Variants in JARID2 observed in about 807,000 individuals in gnomAD.
JARID2 encodes jumonji and AT-rich interaction domain containing 2, also known as protein Jumonji.
In JARID2, 21 loss-of-function variants were observed where a neutral mutation model predicts 125.6. The observed-to-expected ratio is 0.17, with a 90% CI of 0.12 to 0.24. JARID2 has a LOEUF of 0.24. Among genes scored for constraint, JARID2 ranks in the 10% least tolerant of loss-of-function variants. The pLI is 1.00. For missense variants in JARID2, 1,303 were observed against 1,639.6 expected (o/e 0.79, Z 3.55); for synonymous variants, 736 against 661.6 (o/e 1.11, Z -1.73).
At chr6:15,310,386 C>T (rs145671170) in intron 1 of JARID2, among the ~76,000 whole-genome samples, 1 of 152,182 alleles carries the variant, frequency 6.6e-6, no homozygotes, top group African/African-American at 2.4e-5. Context: ...TTGAACCTAC[C>T]CTTTGTAGAT....
intron 3 of JARID2, among the ~76,000 whole-genome samples, chr6:15,450,274 A>G (rs1426773213): frequency 6.6e-6 from 1 of 152,100 alleles, no homozygotes; most frequent in African/African-American, 2.4e-5. Flanking sequence ...GGTTCCAGCG[A>G]TTCTCCTGCC....
chr6:15,320,946 T>C (rs1370186611), intron 1 of JARID2, among the ~76,000 whole-genome samples: 9 of 151,970 alleles, frequency 5.9e-5, no homozygotes, highest in Non-Finnish European at 1.2e-4. Context: ...GCTGGTACAT[T>C]TTCTCATCTT....
intron 1 of JARID2, among the ~76,000 whole-genome samples, chr6:15,309,039 C>A (rs1032377425): frequency 1.3e-5 from 2 of 152,192 alleles, no homozygotes; most frequent in African/African-American, 2.4e-5. Context: ...GGATTACTTC[C>A]TGTCTCAGCC....
chr6:15,465,890 G>A (rs558157230), intron 4 of JARID2, among the ~76,000 whole-genome samples: 3 of 151,654 alleles, frequency 2.0e-5, no homozygotes, highest in South Asian at 4.2e-4. Context: ...TGCAACCTTC[G>A]CCTCCCGGGT....
intron 1 of JARID2, among the ~76,000 whole-genome samples, chr6:15,337,325 A>G (rs1762910607): frequency 6.6e-6 from 1 of 152,262 alleles, no homozygotes; most frequent in South Asian, 2.1e-4. Flanking sequence ...AAAGATGCAC[A>G]TCAGACCAGA....
intron 1 of JARID2, among the ~76,000 whole-genome samples, chr6:15,353,777 C>G (rs1161754958): frequency 6.6e-6 from 1 of 152,128 alleles, no homozygotes; most frequent in Non-Finnish European, 1.5e-5. Context: ...TTACTTTTCT[C>G]TTTCTAGGGA....
chr6:15,331,430 G>A (rs933058437), intron 1 of JARID2, among the ~76,000 whole-genome samples: 1 of 152,036 alleles, frequency 6.6e-6, no homozygotes, highest in Non-Finnish European at 1.5e-5. Flanking sequence ...GTATAATACT[G>A]GAAACTGTCT....
intron 1 of JARID2, among the ~76,000 whole-genome samples, chr6:15,372,856 G>A (rs929366152): frequency 6.6e-5 from 10 of 151,896 alleles, no homozygotes; most frequent in African/African-American, 1.5e-4. Context: ...TTACAGTCGC[G>A]TGCCACCACG....
chr6:15,515,779 G>C (rs1282914369), intron 16 of JARID2, among the ~76,000 whole-genome samples: 1 of 150,970 alleles, frequency 6.6e-6, no homozygotes, highest in Non-Finnish European at 1.5e-5. Context: ...ACAAAAACCA[G>C]GCACGGTGGC....
At chr6:15,253,673 A>T (rs1345726671) in intron 1 of JARID2, among the ~76,000 whole-genome samples, 1 of 151,928 alleles carries the variant, frequency 6.6e-6, no homozygotes, top group Non-Finnish European at 1.5e-5. Context: ...TACTATTTTA[A>T]GGGTGCTGCC....
At chr6:15,277,570 A>G (rs1760577341) in intron 1 of JARID2, among the ~76,000 whole-genome samples, 1 of 152,216 alleles carries the variant, frequency 6.6e-6, no homozygotes, top group Non-Finnish European at 1.5e-5. Context: ...GAAGAGAGCT[A>G]GTAGTTAAAC....
chr6:15,353,578 C>G (rs1029774947), intron 1 of JARID2, among the ~76,000 whole-genome samples: 1 of 152,066 alleles, frequency 6.6e-6, no homozygotes, highest in Non-Finnish European at 1.5e-5. Flanking sequence ...ATTAAGTGTT[C>G]TAGTAATAAG....
chr6:15,328,707 G>T (rs887152846), intron 1 of JARID2, among the ~76,000 whole-genome samples: 1 of 152,164 alleles, frequency 6.6e-6, no homozygotes, highest in African/African-American at 2.4e-5. Flanking sequence ...GTGTGTCTGT[G>T]GCCTCAAAGT....
intron 1 of JARID2, among the ~76,000 whole-genome samples, chr6:15,311,715 G>A (rs1362528612): frequency 6.6e-6 from 1 of 150,794 alleles, no homozygotes; most frequent in African/African-American, 2.4e-5. Flanking sequence ...ACTCTGATTC[G>A]GCTTGCAAAA....
At chr6:15,353,092 C>A (rs1389390103) in intron 1 of JARID2, among the ~76,000 whole-genome samples, 1 of 152,158 alleles carries the variant, frequency 6.6e-6, no homozygotes, top group Non-Finnish European at 1.5e-5. Flanking sequence ...GGTCACATGG[C>A]AACTGTTTAA....
intron 1 of JARID2, among the ~76,000 whole-genome samples, chr6:15,336,483 T>A (rs1762883475): frequency 6.6e-6 from 1 of 152,204 alleles, no homozygotes; most frequent in Non-Finnish European, 1.5e-5. Flanking sequence ...AAGACAATAT[T>A]TGTAAATGCC....
At chr6:15,295,865 A>G (rs1306669861) in intron 1 of JARID2, among the ~76,000 whole-genome samples, 6 of 151,876 alleles carry the variant, frequency 4.0e-5, no homozygotes, top group African/African-American at 1.5e-4. Context: ...GCATCACCAT[A>G]TTGGCCAGGC....
chr6:15,336,572 C>A (rs1762885811), intron 1 of JARID2, among the ~76,000 whole-genome samples: 1 of 151,548 alleles, frequency 6.6e-6, no homozygotes, highest in South Asian at 2.1e-4. Context: ...ATGTTGAACA[C>A]TACTGTCTGG....
At chr6:15,379,846 G>T (rs1203079149) in intron 2 of JARID2, among the ~76,000 whole-genome samples, 1 of 152,166 alleles carries the variant, frequency 6.6e-6, no homozygotes, top group African/African-American at 2.4e-5. Context: ...AGGCCTTTTG[G>T]ATCAGACCTC....
Sources: gnomAD v4.1 joint callset for allele counts (sites outside exome capture counted in the v4.1 genomes callset) on GRCh38, gnomAD v4.1.1 for gene constraint, MANE v1.5 for transcripts, NCBI Gene and HGNC (gene_info 2026-07-23, HGNC 2026-07-21) for gene names.